Variants in LRP1B observed in about 807,000 individuals in gnomAD.
LRP1B encodes low-density lipoprotein receptor-related protein 1B.
In LRP1B, 217 loss-of-function variants were observed where a neutral mutation model predicts 556.6. The observed-to-expected ratio is 0.39, with a 90% CI of 0.35 to 0.44. The LOEUF (loss-of-function observed/expected upper bound fraction) is 0.44. Ranked by LOEUF, LRP1B falls within the 20% of genes least tolerant of loss-of-function variation. LRP1B has a pLI of 1.00. For missense variants in LRP1B, 5,053 were observed against 5,620.8 expected (o/e 0.90, Z 3.23); for synonymous variants, 2,047 against 1,865.8 (o/e 1.10, Z -2.50).
At chr2:140,848,045 T>C (rs912723806) in intron 29 of LRP1B, among the ~76,000 whole-genome samples, 10 of 152,172 alleles carry the variant, frequency 6.6e-5, no homozygotes, top group Admixed American at 2.0e-4. Context: ...TTTTGCTCTT[T>C]ATAATTCACA....
chr2:141,030,595 T>A (rs1002466797), intron 11 of LRP1B, among the ~76,000 whole-genome samples: 1 of 152,190 alleles, frequency 6.6e-6, no homozygotes, highest in South Asian at 2.1e-4. Flanking sequence ...AGGAGTGCAT[T>A]GCTATCCAGT....
At chr2:141,794,165 G>A (rs1695723352) in intron 2 of LRP1B, among the ~76,000 whole-genome samples, 1 of 151,882 alleles carries the variant, frequency 6.6e-6, no homozygotes, top group South Asian at 2.1e-4. Context: ...ATGTGGGCAT[G>A]ACACTCATGA....
intron 31 of LRP1B, among the ~76,000 whole-genome samples, chr2:140,829,230 T>C (rs150035345): frequency 9.1e-4 from 139 of 152,240 alleles, no homozygotes; most frequent in African/African-American, 3.1e-3. Context: ...ATCATTGAGA[T>C]GGAAAATCAA....
At chr2:141,400,345 C>T (rs965094999) in intron 3 of LRP1B, among the ~76,000 whole-genome samples, 1 of 152,068 alleles carries the variant, frequency 6.6e-6, no homozygotes, top group Non-Finnish European at 1.5e-5. Flanking sequence ...AATTAAATAA[C>T]AAGAAAAGAA....
chr2:140,673,801 C>T (rs1685571346), intron 41 of LRP1B, among the ~76,000 whole-genome samples: 1 of 152,062 alleles, frequency 6.6e-6, no homozygotes, highest in Non-Finnish European at 1.5e-5. Flanking sequence ...ATACCCTCTC[C>T]CTTTTGGACT....
Position 141,715,391 on chromosome 2 carries a change from A to G in LRP1B, c.205+94888T>C, listed in dbSNP as rs1320738371. 3.9e-5 allele frequency among the ~76,000 whole-genome samples: 6 copies of G among 152,106 alleles called. No individual in the cohort carries two copies. The East Asian group carries it at 1.2e-3, about 29-fold the overall frequency. On this transcript the variant is annotated intron_variant, in intron 2 of 90. Transcript: ENST00000389484. ...GAGGCCAAGGTGAGAGGATCACTAG[A>G]GCCAGGGAAGTCAAGGCTGCAGTGA...
At chr2:140,790,156 C>T (rs1690061829) in intron 32 of LRP1B, among the ~76,000 whole-genome samples, 1 of 152,022 alleles carries the variant, frequency 6.6e-6, no homozygotes, top group African/African-American at 2.4e-5. Context: ...TCCATGAAGG[C>T]GGGGATTAGA....
rs1685733261 is a variant in LRP1B, at chr2:141,286,674, G to A, written c.344-32033C>T. 4 of 440,106 alleles carry A rather than the reference G, an allele frequency of 9.1e-6. No individual in the cohort carries two copies. The Admixed American group carries it at 9.5e-5, about 11-fold the overall frequency. The allele number at this position is 440,106 out of a possible 1,614,324, so 27.3% of individuals were successfully genotyped here. A position where few individuals can be genotyped will look rare whatever the true frequency, so the allele number is the denominator to read the frequency against. The stretch of plus-strand genomic sequence containing the variant: ...GAGATAACATCTTTAAAAGATACAA[G>A]AATATTCAGATTTTATTTCATCTGG... On this transcript the variant is annotated intron_variant, in intron 3 of 90. Coordinates refer to ENST00000389484, the MANE Select transcript of LRP1B (RefSeq NM_018557.3).
chr2:141,392,754 C>T (rs1690100745), intron 3 of LRP1B, among the ~76,000 whole-genome samples: 1 of 152,148 alleles, frequency 6.6e-6, no homozygotes, highest in Non-Finnish European at 1.5e-5. Context: ...CTCAGAGGGA[C>T]TTAGTGAGAT....
chr2:141,747,993 C>A (rs1367002742), intron 2 of LRP1B, among the ~76,000 whole-genome samples: 1 of 152,118 alleles, frequency 6.6e-6, no homozygotes, highest in African/African-American at 2.4e-5. Context: ...GCCTATGATT[C>A]AAAATGTGGC....
chr2:141,360,785 T>C (rs899948205), intron 3 of LRP1B, among the ~76,000 whole-genome samples: 7 of 152,182 alleles, frequency 4.6e-5, no homozygotes, highest in African/African-American at 7.2e-5. Flanking sequence ...TTTCATTCGC[T>C]ATATAGGAAG....
At chr2:140,344,093 G>C (rs1681532661) in intron 77 of LRP1B, among the ~76,000 whole-genome samples, 2 of 151,696 alleles carry the variant, frequency 1.3e-5, no homozygotes, top group Admixed American at 1.3e-4. Flanking sequence ...GACAATTATA[G>C]CTTAAGCTTC....
intron 3 of LRP1B, among the ~76,000 whole-genome samples, chr2:141,351,145 G>A (rs1380827755): frequency 6.6e-6 from 1 of 151,852 alleles, no homozygotes; most frequent in Non-Finnish European, 1.5e-5. Flanking sequence ...CATCAACTTG[G>A]CATGATGGAT....
rs191240387 is a variant in LRP1B, at chr2:140,525,364, T to C, written c.8026+480A>G. ...TATGTAAAGATGGTTAACAGTCAGA[T>C]ATAAATGAACCTGTCTTAACTTGAT... is the stretch of plus-strand genomic sequence containing the variant. On this transcript the variant is annotated intron_variant, in intron 49 of 90. Transcript: ENST00000389484. 9.4e-4 allele frequency among the ~76,000 whole-genome samples: 143 copies of C among 152,088 alleles called. 1 individual carries two copies. The highest frequency in any genetic ancestry group is 3.4e-3 in the Middle Eastern group (1 of 294).
chr2:141,047,906 G>A (rs371594402), intron 11 of LRP1B, among the ~76,000 whole-genome samples: 3 of 152,048 alleles, frequency 2.0e-5, no homozygotes, highest in Admixed American at 6.6e-5. Flanking sequence ...GGAGTTATCT[G>A]AGTATACCCA....
intron 3 of LRP1B, among the ~76,000 whole-genome samples, chr2:141,300,080 T>C (rs190955469): frequency 6.6e-6 from 1 of 152,318 alleles, no homozygotes; most frequent in East Asian, 1.9e-4. Context: ...CACATGAAGA[T>C]ACAACAAGAA....
intron 2 of LRP1B, among the ~76,000 whole-genome samples, chr2:141,656,481 T>G (rs1047049381): frequency 6.6e-6 from 1 of 152,174 alleles, no homozygotes; most frequent in African/African-American, 2.4e-5. Context: ...TATCAGGTTA[T>G]GATATTATAA....
chr2:141,424,837 G>A (rs1369394805), intron 3 of LRP1B, among the ~76,000 whole-genome samples: 1 of 152,126 alleles, frequency 6.6e-6, no homozygotes, highest in Non-Finnish European at 1.5e-5. Flanking sequence ...TAGCCTTTGG[G>A]ATAACCTTGT....
intron 41 of LRP1B, among the ~76,000 whole-genome samples, chr2:140,689,048 T>C (rs17281471): frequency 0.016 from 2,370 of 152,356 alleles, 54 homozygotes; most frequent in African/African-American, 0.055. Context: ...TTTGAAGTCC[T>C]AGACTATGAA....
Sources: gnomAD v4.1 joint callset for allele counts (sites outside exome capture counted in the v4.1 genomes callset) on GRCh38, gnomAD v4.1.1 for gene constraint, MANE v1.5 for transcripts, NCBI Gene and HGNC (gene_info 2026-07-23, HGNC 2026-07-21) for gene names.